CSGALNACT1: variants seen among roughly 807,000 people sequenced by gnomAD.
CSGALNACT1 encodes the protein chondroitin sulfate N-acetylgalactosaminyltransferase 1.
In CSGALNACT1, 52 loss-of-function variants were observed where a neutral mutation model predicts 51.0. That is an observed-to-expected ratio of 1.02 (90% confidence interval 0.82 to 1.29). The LOEUF is 1.29. Ranked by LOEUF, CSGALNACT1 falls within the 50% of genes most tolerant of loss-of-function variation. The pLI is 0.00. For synonymous variants in CSGALNACT1, 341 were observed against 254.4 expected (o/e 1.34, Z -3.24); for missense variants, 935 against 679.2 (o/e 1.38, Z -4.19).
rs767074945 is a variant in CSGALNACT1, at chr8:19,701,153, G to GTTTTT, written c.-297+56692_-297+56696dup. Among the ~76,000 whole-genome samples the GTTTTT allele has an allele frequency of 5.9e-4, 55 of 93,276 alleles. 8 individuals carry two copies. The highest frequency in any genetic ancestry group is 1.5e-3 in the African/African-American group (36 of 24,330). 61.2% of individuals were successfully genotyped at this position (93,276 alleles called of 152,430 possible). On this transcript the variant is annotated intron_variant, in intron 1 of 1. Coordinates refer to the CSGALNACT1 transcript ENST00000517494. ...GAAAATTTCAGTTCATCTATTATCC[G>GTTTTT]TTTTTTTTTTTTTTTTTTTTGATAC... is the stretch of plus-strand genomic sequence containing the variant.
intron 4 of CSGALNACT1, among the ~76,000 whole-genome samples, chr8:19,463,254 C>T (rs1391998297): frequency 3.3e-5 from 5 of 152,080 alleles, no homozygotes; most frequent in Admixed American, 1.3e-4. Context: ...TCTATGGCTT[C>T]GCTATTGTGA....
intron 3 of CSGALNACT1, among the ~76,000 whole-genome samples, chr8:19,549,656 CTTTTTTTTTTTTTTT>C (rs542956513): frequency 1.2e-5 from 1 of 83,468 alleles, no homozygotes; most frequent in Non-Finnish European, 2.3e-5. Flanking sequence ...CAATTTCCTA[CTTTTTTTTTTTTTTT>C]TTTTTTTTTG....
chr8:19,644,113 G>C (rs2057014421), intron 1 of CSGALNACT1, among the ~76,000 whole-genome samples: 1 of 152,126 alleles, frequency 6.6e-6, no homozygotes, highest in South Asian at 2.1e-4. Flanking sequence ...TTATGTTTAT[G>C]AGTTTTTAAT....
chr8:19,488,921 A>AT (rs1488172542), intron 4 of CSGALNACT1, among the ~76,000 whole-genome samples: 3 of 152,048 alleles, frequency 2.0e-5, no homozygotes, highest in Non-Finnish European at 4.4e-5. Flanking sequence ...AGCAGAATAC[A>AT]GGGTTTTCAT....
At position 19,451,826 on chromosome 8, in the gene CSGALNACT1, C is replaced by G. The variant is rs371259109; in HGVS notation, c.851+6600G>C. On this transcript the variant is annotated intron_variant, in intron 5 of 9. Coordinates refer to ENST00000454498, the Ensembl canonical transcript of CSGALNACT1. ...AAAACCTGCCCCTGATAATAATCCG[C>G]ATAGAACTGCAAGGCGATAGGGCCC... Among the ~76,000 whole-genome samples the G allele has an allele frequency of 1.1e-4, 17 of 152,274 alleles. No individual in the cohort carries two copies. The East Asian group carries it at 3.3e-3, about 29-fold the overall frequency.
At chr8:19,739,000 T>C (rs1401529800) in intron 1 of CSGALNACT1, among the ~76,000 whole-genome samples, 1 of 152,154 alleles carries the variant, frequency 6.6e-6, no homozygotes, top group Non-Finnish European at 1.5e-5. Context: ...CAAAAAGAGA[T>C]ACTTTTTGAG....
At chr8:19,586,112 C>A (rs2046572283) in intron 3 of CSGALNACT1, among the ~76,000 whole-genome samples, 1 of 152,122 alleles carries the variant, frequency 6.6e-6, no homozygotes, top group African/African-American at 2.4e-5. Flanking sequence ...CCTGTAATCC[C>A]AGCACTTTGG....
chr8:19,568,028 T>A (rs1002889336), intron 3 of CSGALNACT1, among the ~76,000 whole-genome samples: 1 of 149,740 alleles, frequency 6.7e-6, no homozygotes, highest in Non-Finnish European at 1.5e-5. Context: ...TCTCAACAAA[T>A]GAAAAAAAAT....
chr8:19,684,291 G>T (rs79115865), upstream of CSGALNACT1, among the ~76,000 whole-genome samples: 39 of 152,248 alleles, frequency 2.6e-4, no homozygotes, highest in East Asian at 7.1e-3. Flanking sequence ...ATATGGTAAA[G>T]GTGGCATTTC....
chr8:19,751,608 T>A (rs1215405204), intron 1 of CSGALNACT1, among the ~76,000 whole-genome samples: 2 of 152,156 alleles, frequency 1.3e-5, no homozygotes, highest in Non-Finnish European at 2.9e-5. Flanking sequence ...ATGGTTGGGT[T>A]CTATGCCCCC....
At chr8:19,755,473 A>AAAAAAAAAAAAAAAC (rs2065306508) in intron 1 of CSGALNACT1, among the ~76,000 whole-genome samples, 1 of 145,474 alleles carries the variant, frequency 6.9e-6, no homozygotes, top group Non-Finnish European at 1.5e-5. Flanking sequence ...AAAAAAAAAA[A>AAAAAAAAAAAAAAAC]AAAAAAAAGA....
intron 1 of CSGALNACT1, among the ~76,000 whole-genome samples, chr8:19,642,849 A>G (rs1296061103): frequency 6.6e-6 from 1 of 152,126 alleles, no homozygotes; most frequent in Non-Finnish European, 1.5e-5. Flanking sequence ...CAACAAAAAA[A>G]TTGCTGGGTC....
chr8:19,416,303 T>C (rs2056865947), intron 8 of CSGALNACT1, among the ~76,000 whole-genome samples: 1 of 151,978 alleles, frequency 6.6e-6, no homozygotes, highest in South Asian at 2.1e-4. Flanking sequence ...TTAGTAGAGA[T>C]GGGGTTTCAT....
In CSGALNACT1 at chr8:19,530,246, A is replaced by G. The variant is rs562135225; in HGVS notation, c.-296-24116T>C. ...AAAAAACAAAACAAAACAAAACAAAACAAAACAAAAAAAATTCAATCCATG... is the reference window on the plus strand; with the variant it reads ...AAAAAACAAAACAAAACAAAACAAAGCAAAACAAAAAAAATTCAATCCATG... On this transcript the variant is annotated intron_variant, in intron 3 of 9. Coordinates refer to ENST00000454498, the Ensembl canonical transcript of CSGALNACT1. Among the ~76,000 whole-genome samples the G allele has an allele frequency of 3.3e-5, 5 of 151,644 alleles. 1 individual carries two copies. In the South Asian group the frequency reaches 1.0e-3, roughly 32 times the overall value.
At chr8:19,614,586 T>A (rs1375903528) in intron 1 of CSGALNACT1, among the ~76,000 whole-genome samples, 2 of 152,218 alleles carry the variant, frequency 1.3e-5, no homozygotes, top group Non-Finnish European at 2.9e-5. Context: ...TAAAAAATTT[T>A]TTTTCATCAG....
intron 1 of CSGALNACT1, among the ~76,000 whole-genome samples, chr8:19,627,008 G>C (rs1005044674): frequency 6.6e-6 from 1 of 152,166 alleles, no homozygotes; most frequent in African/African-American, 2.4e-5. Flanking sequence ...TTTTTAAAAA[G>C]TTAAACTTAC....
intron 5 of CSGALNACT1, chr8:19,457,889 T>C: frequency 1.0e-6 from 1 of 961,104 alleles, no homozygotes; most frequent in South Asian, 1.3e-5. Context: ...CTTGGTATAA[T>C]TCTACACTTA....
intron 4 of CSGALNACT1, among the ~76,000 whole-genome samples, chr8:19,470,887 G>C (rs898207341): frequency 1.6e-4 from 25 of 152,114 alleles, no homozygotes; most frequent in African/African-American, 6.0e-4. Flanking sequence ...CCTGAGGTCA[G>C]GAGTTCCAGA....
chr8:19,753,849 A>G (rs1022176324), intron 1 of CSGALNACT1, among the ~76,000 whole-genome samples: 16 of 152,392 alleles, frequency 1.0e-4, no homozygotes, highest in African/African-American at 3.8e-4. Flanking sequence ...ATTTCTGGCA[A>G]ATAAAAACAC....
Sources: gnomAD v4.1 joint callset for allele counts (sites outside exome capture counted in the v4.1 genomes callset) on GRCh38, gnomAD v4.1.1 for gene constraint, MANE v1.5 for transcripts, NCBI Gene and HGNC (gene_info 2026-07-23, HGNC 2026-07-21) for gene names.